Variants in NAA15 observed in about 807,000 individuals in gnomAD.
NAA15 encodes the protein N-alpha-acetyltransferase 15, NatA auxiliary subunit, also known as N-terminal acetyltransferase.
In NAA15, 34 loss-of-function variants were observed where a neutral mutation model predicts 114.0. That is an observed-to-expected ratio of 0.30 (90% CI 0.23 to 0.40). The LOEUF (loss-of-function observed/expected upper bound fraction) is 0.40. NAA15 is among the 10% of genes least tolerant of loss of function. The pLI is 1.00. For missense variants in NAA15, 658 were observed against 1,004.5 expected (o/e 0.66, Z 4.66); for synonymous variants, 340 against 338.0 (o/e 1.01, Z -0.06).
intron 18 of NAA15, among the ~76,000 whole-genome samples, chr4:139,385,894 A>G (rs1364104317): frequency 2.0e-5 from 3 of 152,068 alleles, no homozygotes; most frequent in African/African-American, 4.8e-5. Context: ...TATACATTCT[A>G]TTTTATTGGG....
chr4:139,352,576 G>A (rs185094728), intron 9 of NAA15, among the ~76,000 whole-genome samples: 8 of 151,904 alleles, frequency 5.3e-5, no homozygotes, highest in East Asian at 1.9e-4. Flanking sequence ...TTTATTTGCC[G>A]GTCTTTTGTT....
intron 15 of NAA15, among the ~76,000 whole-genome samples, chr4:139,373,014 G>A (rs187044224): frequency 1.3e-5 from 2 of 152,236 alleles, no homozygotes; most frequent in East Asian, 1.9e-4. Flanking sequence ...AGCCTCCAGA[G>A]TAGCTGGCAC....
chr4:139,370,205 C>T lies in NAA15; in HGVS notation c.1754-6C>T. 1 of 1,510,012 alleles carries T rather than the reference C, an allele frequency of 6.6e-7. No individual in the cohort carries two copies. The highest frequency in any genetic ancestry group is 1.4e-5 in the South Asian group (1 of 73,660). 93.5% of individuals were successfully genotyped at this position (1,510,012 alleles called of 1,614,324 possible). A position where few individuals can be genotyped will look rare whatever the true frequency, so the allele number is the denominator to read the frequency against. ...TTAATTTTATTAATTAACTTATTGC[C>T]TGCAGCAAACATGTCTGACAAAGAG... On this transcript the variant is annotated splice_polypyrimidine_tract_variant and splice_region_variant and intron_variant, in intron 14 of 19. Transcript: ENST00000296543.
At chr4:139,378,500 C>T (rs1748652952) in intron 16 of NAA15, among the ~76,000 whole-genome samples, 1 of 152,154 alleles carries the variant, frequency 6.6e-6, no homozygotes, top group Admixed American at 6.5e-5. Context: ...ATTTTCTTTG[C>T]TTATATGTCA....
chr4:139,327,398 C>T (rs1005334402), intron 1 of NAA15, among the ~76,000 whole-genome samples: 3 of 152,090 alleles, frequency 2.0e-5, no homozygotes, highest in South Asian at 2.1e-4. Flanking sequence ...TACAGGCGTG[C>T]GCTGCCACGC....
chr4:139,310,334 G>A (rs1331396813), intron 1 of NAA15, among the ~76,000 whole-genome samples: 1 of 149,408 alleles, frequency 6.7e-6, no homozygotes, highest in African/African-American at 2.5e-5. Context: ...GGCGCCTGTA[G>A]TCCCAGCTAC....
intron 9 of NAA15, among the ~76,000 whole-genome samples, chr4:139,352,753 T>A (rs985485312): frequency 1.2e-4 from 18 of 148,200 alleles, no homozygotes; most frequent in African/African-American, 4.3e-4. Flanking sequence ...CTGCAACCTC[T>A]GCCTCCCGGG....
At chr4:139,387,837 G>T in intron 19 of NAA15, 47 bp from the exon 20 acceptor site, 2 of 1,465,712 alleles carry the variant, frequency 1.4e-6, no homozygotes, top group Non-Finnish European at 9.4e-7. Context: ...TTCCCAGTAA[G>T]AACCTTTTTT....
At position 139,388,081 on chromosome 4, in the gene NAA15, T is replaced by C. The variant is rs1748957877; in HGVS notation, c.2598T>C (p.Ile866=). 1 of 1,613,420 alleles carries C rather than the reference T, an allele frequency of 6.2e-7. No homozygotes were observed. Among genetic ancestry groups the C allele is most frequent in the South Asian group, 1.1e-5 (1 of 91,034 alleles). The stretch of plus-strand genomic sequence containing the variant: ...AAGCTGAAGAACTGGCCAATGAAAT[T>C]TGAACATCACTAAACAAGCAAATGG... ...SAEAEELANE[I] The change falls in exon 20 of 20, where the codon ATT becomes ATC. Residue 866 remains isoleucine (I), a synonymous_variant. Coordinates refer to ENST00000296543, the MANE Select transcript of NAA15 (RefSeq NM_057175.5).
chr4:139,378,253 G>A (rs1748645939), intron 16 of NAA15, among the ~76,000 whole-genome samples: 1 of 152,166 alleles, frequency 6.6e-6, no homozygotes, highest in African/African-American at 2.4e-5. Context: ...TGGGTGTGGG[G>A]ATAGCATAGG....
chr4:139,315,337 T>C (rs996756663), intron 1 of NAA15, among the ~76,000 whole-genome samples: 3 of 151,798 alleles, frequency 2.0e-5, no homozygotes, highest in African/African-American at 7.3e-5. Context: ...CTGGGCAATA[T>C]GGCAAAACCC....
intron 3 of NAA15, 44 bp from the exon 4 acceptor site, chr4:139,340,868 G>C: frequency 7.0e-7 from 1 of 1,426,348 alleles, no homozygotes; most frequent in Non-Finnish European, 9.2e-7. Context: ...GTTTGGAATA[G>C]TAATTTTTGA....
chr4:139,352,819 C>T lies in NAA15; in HGVS notation c.1015-1207C>T, dbSNP rs1291178152. 3.3e-5 allele frequency among the ~76,000 whole-genome samples: 5 copies of T among 152,022 alleles called. No homozygotes were observed. The South Asian group carries it at 8.3e-4, about 25-fold the overall frequency. On this transcript the variant is annotated intron_variant, in intron 9 of 19. Transcript: ENST00000296543. ...AGTAGCTGCGATTACAGGCACGTGC[C>T]ACCATACCAGGCTAATTTTTGTATT... is the stretch of plus-strand genomic sequence containing the variant.
intron 1 of NAA15, among the ~76,000 whole-genome samples, chr4:139,305,712 T>C (rs1204218207): frequency 6.6e-6 from 1 of 152,042 alleles, no homozygotes; most frequent in Non-Finnish European, 1.5e-5. Flanking sequence ...TTTTGTATTG[T>C]TAGTAGAGAT....
intron 17 of NAA15, among the ~76,000 whole-genome samples, chr4:139,384,338 C>G (rs1439608071): frequency 6.6e-6 from 1 of 151,998 alleles, no homozygotes; most frequent in African/African-American, 2.4e-5. Flanking sequence ...ATTAGCTGGA[C>G]GTGGTAGCTT....
At position 139,301,784 on chromosome 4, in the gene NAA15, G is replaced by A. The variant is rs755076878; in HGVS notation, c.7G>A (p.Ala3Thr). ...AGCGGGAGCAGCCGGAACGATGCCGGCCGTGAGCCTCCCGCCCAAGGAGAA... is the reference window on the plus strand; with the variant it reads ...AGCGGGAGCAGCCGGAACGATGCCGACCGTGAGCCTCCCGCCCAAGGAGAA... MP[A>T]VSLPPKENAL... The change falls in exon 1 of 20, where the codon GCC (alanine) becomes ACC (threonine). Residue 3 changes from alanine to threonine, a missense_variant. Ala to Thr is a moderately conservative substitution (Grantham distance 58). Around this residue, in one of 6 missense-constraint regions of NAA15, gnomAD observed 18 missense variants for 18.9 expected, o/e 0.95. Transcript: ENST00000296543. 5.6e-5 allele frequency: 89 copies of A among 1,580,392 alleles called. 1 individual carries two copies. Among genetic ancestry groups the A allele is most frequent in the Non-Finnish European group, 1.5e-5 (17 of 1,162,880 alleles).
intron 2 of NAA15, among the ~76,000 whole-genome samples, chr4:139,335,461 G>A (rs1747168105): frequency 6.6e-6 from 1 of 152,010 alleles, no homozygotes; most frequent in Admixed American, 6.5e-5. Context: ...CACCTCCTGG[G>A]TTCAAGCGAC....
At chr4:139,350,398 G>C (rs1442600169) in intron 7 of NAA15, among the ~76,000 whole-genome samples, 1 of 152,236 alleles carries the variant, frequency 6.6e-6, no homozygotes, top group Non-Finnish European at 1.5e-5. Context: ...ATGTAGCCAG[G>C]CTGAATGAGC....
intron 1 of NAA15, among the ~76,000 whole-genome samples, chr4:139,329,188 C>T (rs1746912704): frequency 6.6e-6 from 1 of 152,066 alleles, no homozygotes; most frequent in African/African-American, 2.4e-5. Context: ...AGCCTTAATA[C>T]TGTATTTTCA....
Sources: allele counts gnomAD v4.1 joint callset (sites outside exome capture counted in the v4.1 genomes callset), GRCh38; gene constraint gnomAD v4.1.1; regional missense constraint gnomAD v4.1.1; transcripts MANE v1.5; gene names NCBI Gene and HGNC (gene_info 2026-07-23, HGNC 2026-07-21).